The following CSMD1 variants were observed in gnomAD, a reference collection of about 807,000 sequenced individuals.
CSMD1 encodes CUB and Sushi multiple domains 1.
Under a neutral mutation model 417.5 loss-of-function variants are expected in CSMD1, and 213 were observed. The observed-to-expected ratio is 0.51, with a 90% confidence interval of 0.46 to 0.57. The LOEUF is 0.57. Ranked by LOEUF, CSMD1 falls within the 20% of genes least tolerant of loss-of-function variation. CSMD1 has a pLI of 0.00. For synonymous variants in CSMD1, 2,862 were observed against 1,736.8 expected, an observed-to-expected ratio of 1.65 and a Z score of -16.11; for missense variants, 6,923 against 4,529.7, an observed-to-expected ratio of 1.53 and a Z score of -15.17.
At chr8:4,188,061 A>T (rs1232549792) in intron 3 of CSMD1, among the ~76,000 whole-genome samples, 3 of 152,226 alleles carry the variant, frequency 2.0e-5, no homozygotes, top group Admixed American at 1.3e-4. Flanking sequence ...GTCATAGGTG[A>T]TTTAAAACAA....
At chr8:4,133,656 T>C (rs1038174262) in intron 3 of CSMD1, among the ~76,000 whole-genome samples, 27 of 151,996 alleles carry the variant, frequency 1.8e-4, no homozygotes, top group African/African-American at 6.5e-4. Context: ...AAAATCTCCA[T>C]GTAAGTGTAG....
At chr8:4,465,627 C>T (rs969738150) in intron 2 of CSMD1, among the ~76,000 whole-genome samples, 8 of 152,110 alleles carry the variant, frequency 5.3e-5, no homozygotes, top group Admixed American at 6.5e-5. Flanking sequence ...GTTAAGGCCT[C>T]AGTAGAACAA....
At chr8:4,804,112 C>T (rs116546621) in intron 1 of CSMD1, among the ~76,000 whole-genome samples, 2,007 of 152,276 alleles carry the variant, frequency 0.013, 35 homozygotes, top group African/African-American at 0.035. Context: ...ATTATTTCCA[C>T]AATAACGAGA....
intron 5 of CSMD1, among the ~76,000 whole-genome samples, chr8:3,968,659 C>T (rs2049307): frequency 2.0e-5 from 3 of 152,006 alleles, no homozygotes; most frequent in Non-Finnish European, 2.9e-5. Context: ...TGTCCTAAAT[C>T]CCGAAAGCTG....
In CSMD1 at chr8:4,199,973, A is replaced by C. The variant is rs113946265; in HGVS notation, c.416-167874T>G. The stretch of plus-strand genomic sequence containing the variant: ...GTAGAAAAAAAGACCTGAATGAAAT[A>C]AATAATGGTGACTATTAAAAGTTCA... On this transcript the variant is annotated intron_variant, in intron 3 of 69. Transcript: ENST00000635120. 2.4e-3 allele frequency among the ~76,000 whole-genome samples: 358 copies of C among 152,324 alleles called. 2 individuals are homozygous for C. The highest frequency in any genetic ancestry group is 7.9e-3 in the African/African-American group (330 of 41,570).
intron 2 of CSMD1, among the ~76,000 whole-genome samples, chr8:4,519,164 C>A (rs1803290491): frequency 6.6e-6 from 1 of 152,044 alleles, no homozygotes; most frequent in Non-Finnish European, 1.5e-5. Flanking sequence ...AAATTATTTA[C>A]CTCTTGCAGT....
intron 3 of CSMD1, among the ~76,000 whole-genome samples, chr8:4,331,382 G>T (rs941232907): frequency 2.8e-4 from 43 of 152,212 alleles, no homozygotes; most frequent in African/African-American, 9.6e-4. Flanking sequence ...TGTTTGTTGC[G>T]AGGTGTCTAC....
At chr8:3,779,662 T>C (rs1290046283) in intron 5 of CSMD1, among the ~76,000 whole-genome samples, 2 of 152,320 alleles carry the variant, frequency 1.3e-5, no homozygotes, top group African/African-American at 2.4e-5. Context: ...TATGCAATGA[T>C]ATGACATTTA....
At chr8:4,217,948 G>C (rs1024604228) in intron 3 of CSMD1, among the ~76,000 whole-genome samples, 1 of 152,136 alleles carries the variant, frequency 6.6e-6, no homozygotes, top group Non-Finnish European at 1.5e-5. Context: ...ATGTGCAGAG[G>C]CTCCAGGTAA....
At chr8:3,079,099 G>A (rs1350559030) in intron 49 of CSMD1, among the ~76,000 whole-genome samples, 1 of 152,170 alleles carries the variant, frequency 6.6e-6, no homozygotes, top group East Asian at 1.9e-4. Flanking sequence ...GAGCCTGACT[G>A]CAACTGCACT....
chr8:4,174,033 C>G, intron 3 of CSMD1, among the ~76,000 whole-genome samples: 1 of 152,152 alleles, frequency 6.6e-6, no homozygotes, highest in East Asian at 1.9e-4. Context: ...AGGGAATGCC[C>G]TGAGTTCATT....
intron 5 of CSMD1, among the ~76,000 whole-genome samples, chr8:3,983,074 G>A (rs1306279699): frequency 2.6e-5 from 4 of 151,648 alleles, no homozygotes. Flanking sequence ...CTTTTCCCCA[G>A]GAGCCTCTAA....
chr8:4,514,775 C>A (rs1285060821), intron 2 of CSMD1, among the ~76,000 whole-genome samples: 2 of 152,148 alleles, frequency 1.3e-5, no homozygotes, highest in Admixed American at 1.3e-4. Flanking sequence ...AGAAGATACA[C>A]ACTCTGGTGA....
At chr8:4,237,293 A>C (rs913095439) in intron 3 of CSMD1, among the ~76,000 whole-genome samples, 46 of 152,198 alleles carry the variant, frequency 3.0e-4, no homozygotes, top group Admixed American at 9.2e-4. Context: ...TTAAGAAACA[A>C]ATATTGAGAG....
At chr8:4,209,418 A>G (rs2131281439) in intron 3 of CSMD1, among the ~76,000 whole-genome samples, 1 of 152,282 alleles carries the variant, frequency 6.6e-6, no homozygotes, top group South Asian at 2.1e-4. Flanking sequence ...GTGGAATTGT[A>G]TGAGGTGTGA....
rs140660531 is a variant in CSMD1 at position 4,086,943 on chromosome 8, G to T, written c.416-54844C>A. Among the ~76,000 whole-genome samples, 373 of 152,308 alleles carry T rather than the reference G, an allele frequency of 2.4e-3. 2 individuals are homozygous for T. Among genetic ancestry groups the T allele is most frequent in the African/African-American group, 8.4e-3 (350 of 41,572 alleles). The stretch of plus-strand genomic sequence containing the variant: ...CTTGTTAAACTCACTAACCAGCTGT[G>T]TGGTTTGGGTAAATTACCAGATTGC... On this transcript the variant is annotated intron_variant, in intron 3 of 69. Transcript: ENST00000635120.
intron 1 of CSMD1, among the ~76,000 whole-genome samples, chr8:4,764,897 A>G (rs1245458802): frequency 6.3e-5 from 1 of 15,750 alleles, no homozygotes; most frequent in Non-Finnish European, 1.2e-4. Context: ...AAAAAAAACA[A>G]CAACAACAAA....
intron 2 of CSMD1, among the ~76,000 whole-genome samples, chr8:4,517,108 A>G (rs983784104): frequency 6.6e-6 from 1 of 152,202 alleles, no homozygotes; most frequent in Non-Finnish European, 1.5e-5. Flanking sequence ...CTTTTCCTGT[A>G]GAAGACTGCT....
At chr8:3,730,935 G>A (rs932205954) in intron 6 of CSMD1, among the ~76,000 whole-genome samples, 2 of 152,134 alleles carry the variant, frequency 1.3e-5, no homozygotes, top group African/African-American at 4.8e-5. Context: ...TCTTGCCAAA[G>A]GTTGCTTTTG....
Sources: allele counts gnomAD v4.1 joint callset (sites outside exome capture counted in the v4.1 genomes callset), GRCh38; gene constraint gnomAD v4.1.1; transcripts MANE v1.5; gene names NCBI Gene and HGNC (gene_info 2026-07-23, HGNC 2026-07-21).